Variants in KCNMB3 observed in about 807,000 individuals in gnomAD.
KCNMB3 encodes the protein calcium-activated potassium channel subunit beta-3.
KCNMB3 carries 18 observed loss-of-function variants against 11.9 expected under a neutral mutation model. That is an observed-to-expected ratio of 1.51 (90% CI 1.04 to 2.23). The LOEUF (loss-of-function observed/expected upper bound fraction) is 2.23. Ranked by LOEUF, KCNMB3 falls within the 30% of genes most tolerant of loss-of-function variation. The pLI is 0.00. For missense variants in KCNMB3, 247 were observed against 329.4 expected (o/e 0.75, Z 1.94); for synonymous variants, 78 against 119.2 (o/e 0.65, Z 2.25).
intron 1 of KCNMB3, chr3:179,258,997 C>A: frequency 6.2e-7 from 1 of 1,614,190 alleles, no homozygotes; most frequent in Non-Finnish European, 8.5e-7. Flanking sequence ...TCCTGTGCAC[C>A]ACGCCTGCCG....
At position 179,261,178 on chromosome 3, in the gene KCNMB3, C is replaced by T. The variant is rs929521653; in HGVS notation, c.62+5471G>A. 1.4e-5 allele frequency: 19 copies of T among 1,342,722 alleles called. No homozygotes were observed. The Admixed American group carries it at 1.5e-4, about 11-fold the overall frequency. 83.2% of individuals were successfully genotyped at this position (1,342,722 alleles called of 1,614,324 possible). A position where few individuals can be genotyped will look rare whatever the true frequency, so the allele number is the denominator to read the frequency against. On this transcript the variant is annotated intron_variant, in intron 1 of 3. Coordinates refer to the KCNMB3 transcript ENST00000349697. ...GGATCTCACGAGCCTCCGCGCGGGC[C>T]TCCCGTTTTGCGGCGAGCCGGGCCT...
intron 1 of KCNMB3, among the ~76,000 whole-genome samples, chr3:179,247,007 T>C (rs1218953473): frequency 1.3e-5 from 2 of 152,128 alleles, no homozygotes; most frequent in African/African-American, 4.8e-5. Context: ...GGAGTGGGGA[T>C]AGGTATGAAC....
At position 179,243,073 on chromosome 3, in the gene KCNMB3, C is replaced by T. The variant is rs778709996; in HGVS notation, c.659G>A (p.Gly220Asp). ...LFWPSLTLLG[G>D]ALIVGMVRLT... ...TCTCACCATGCCAACAATCAGGGCACCACCTAGCAGAGTCAGTGAAGGCCA... is the reference window on the plus strand; with the variant it reads ...TCTCACCATGCCAACAATCAGGGCATCACCTAGCAGAGTCAGTGAAGGCCA... The change falls in exon 3 of 3, where the codon GGT becomes GAT. Residue 220 changes from glycine to aspartate, a missense_variant. By Grantham distance (94) the Gly-to-Asp change is moderately conservative (BLOSUM62 -1). This residue lies in a region of KCNMB3 where 87 missense variants were observed against 171.9 expected (regional missense o/e 0.51). Transcript: ENST00000392685. 1.3e-6 allele frequency: 2 copies of T among 1,579,686 alleles called. No homozygotes were observed. The highest frequency in any genetic ancestry group is 8.6e-7 in the Non-Finnish European group (1 of 1,162,454).
At position 179,250,876 on chromosome 3, in the gene KCNMB3, G is replaced by C. The variant is rs769431465; in HGVS notation, c.115C>G (p.Leu39Val). Reference protein sequence around the residue: ...RETDYSDGDPLDVHKRLPSSA... With the variant: ...RETDYSDGDPVDVHKRLPSSA... The stretch of plus-strand genomic sequence containing the variant: ...GATGGCAGCCTCTTGTGCACATCTA[G>C]TGGGTCTCCATCACTGTAGTCTGTC... Residue 39 changes from leucine (L) to valine (V), a missense_variant, in exon 1 of 3, where the codon CTA becomes GTA. By Grantham distance (32) the Leu-to-Val change is conservative (BLOSUM62 1). Coordinates refer to ENST00000392685, the MANE Select transcript of KCNMB3 (RefSeq NM_171830.2). The C allele has an allele frequency of 5.6e-6, 9 of 1,614,202 alleles. No individual in the cohort carries two copies. In the Admixed American group the frequency reaches 1.0e-4, roughly 18 times the overall value.
At chr3:179,251,195 G>C (rs1424386234), upstream of KCNMB3, 3 of 1,595,456 alleles carry the variant, frequency 1.9e-6, no homozygotes, top group South Asian at 3.4e-5. Flanking sequence ...AGTCTGTAGA[G>C]ATCTGTTTAA....
chr3:179,253,054 A>G (rs900148730), upstream of KCNMB3, among the ~76,000 whole-genome samples: 3 of 152,162 alleles, frequency 2.0e-5, no homozygotes, highest in African/African-American at 7.2e-5. Flanking sequence ...ATCAATAAAT[A>G]TGACAGATTG....
chr3:179,240,882 A>G (rs1217574342), downstream of KCNMB3: 2 of 152,160 alleles, frequency 1.3e-5, no homozygotes, highest in Non-Finnish European at 2.9e-5. Context: ...TAGAATCTCA[A>G]TGTGCAGATG....
At chr3:179,266,482 G>T (rs1195273054) in intron 1 of KCNMB3, among the ~76,000 whole-genome samples, 1 of 152,222 alleles carries the variant, frequency 6.6e-6, no homozygotes, top group Non-Finnish European at 1.5e-5. Flanking sequence ...GCCCCGTGAT[G>T]TGAGTGCTAC....
At chr3:179,261,623 T>A (rs1470636960) in intron 1 of KCNMB3, among the ~76,000 whole-genome samples, 1 of 150,958 alleles carries the variant, frequency 6.6e-6, no homozygotes, top group East Asian at 2.0e-4. Context: ...GAAAGCAATA[T>A]GAATTCAGTA....
At chr3:179,266,099 C>T (rs1338109884) in intron 1 of KCNMB3, among the ~76,000 whole-genome samples, 1 of 152,190 alleles carries the variant, frequency 6.6e-6, no homozygotes, top group Non-Finnish European at 1.5e-5. Context: ...TTACTATCTG[C>T]ATTTCACAGA....
intron 1 of KCNMB3, among the ~76,000 whole-genome samples, chr3:179,263,856 A>AGTG (rs1210581750): frequency 1.7e-5 from 2 of 119,940 alleles, no homozygotes; most frequent in African/African-American, 6.6e-5. Context: ...TCCAGGCTGC[A>AGTG]GTGCAGTGGC....
At chr3:179,244,950 C>A (rs543169485) in intron 1 of KCNMB3, among the ~76,000 whole-genome samples, 1 of 152,324 alleles carries the variant, frequency 6.6e-6, no homozygotes, top group South Asian at 2.1e-4. Context: ...TTTCTCACTA[C>A]ACCAGTGGTT....
upstream of KCNMB3, among the ~76,000 whole-genome samples, chr3:179,255,737 G>A (rs1433956057): frequency 1.8e-4 from 27 of 152,162 alleles, no homozygotes; most frequent in Non-Finnish European, 1.5e-4. Context: ...ATAAAATAAA[G>A]AGGAACCCAC....
chr3:179,242,830 G>T lies in KCNMB3; in HGVS notation c.*74C>A. ...TTACCTTTTACATTATTAGTTTGCA[G>T]ACAGGCATAATTAGGTCCTCAGTTG... On this transcript the variant is annotated 3_prime_UTR_variant, in exon 3 of 3. Transcript: ENST00000392685. 1 of 1,488,676 alleles carries T rather than the reference G, an allele frequency of 6.7e-7. No individual in the cohort carries two copies. The highest frequency in any genetic ancestry group is 2.3e-5 in the East Asian group (1 of 43,256). 92.2% of individuals were successfully genotyped at this position (1,488,676 alleles called of 1,614,324 possible).
intron 1 of KCNMB3, chr3:179,259,842 C>A (rs1231190882): frequency 2.5e-6 from 4 of 1,610,584 alleles, no homozygotes; most frequent in Non-Finnish European, 3.4e-6. Flanking sequence ...TGTACTTGGA[C>A]CTGTCGCCTC....
intron 1 of KCNMB3, among the ~76,000 whole-genome samples, chr3:179,257,917 G>A (rs1356904006): frequency 6.6e-6 from 1 of 151,758 alleles, no homozygotes; most frequent in Middle Eastern, 3.4e-3. Flanking sequence ...ACAGAGTTTC[G>A]CTCGTTGTCC....
At position 179,266,621 on chromosome 3, in the gene KCNMB3, A is replaced by G; in HGVS notation, c.62+28T>C. On this transcript the variant is annotated intron_variant, in intron 1 of 3. Transcript: ENST00000349697. ...CTGCTTGTTCAGCCAGATTCCCACT[A>G]CCGGCAGAGCTTCCGGAAGTGACTT... 3 of 1,612,866 alleles carry G rather than the reference A, an allele frequency of 1.9e-6. No individual in the cohort carries two copies. The South Asian group carries it at 3.3e-5, about 18-fold the overall frequency.
chr3:179,266,503 T>C (rs769008673), intron 1 of KCNMB3: 9 of 874,776 alleles, frequency 1.0e-5, no homozygotes, highest in Non-Finnish European at 1.6e-5. Context: ...TGGGGAAGCC[T>C]GCTGGGTACC....
chr3:179,254,341 T>A (rs931436991), upstream of KCNMB3, among the ~76,000 whole-genome samples: 2 of 152,172 alleles, frequency 1.3e-5, no homozygotes, highest in Admixed American at 1.3e-4. Context: ...TTTTAGATAA[T>A]CCTCAAGGGG....
Sources: gnomAD v4.1 joint callset for allele counts (sites outside exome capture counted in the v4.1 genomes callset) on GRCh38, gnomAD v4.1.1 for gene constraint, gnomAD v4.1.1 regional missense constraint, MANE v1.5 for transcripts, NCBI Gene and HGNC (gene_info 2026-07-23, HGNC 2026-07-21) for gene names.